Variants in MICAL2 observed in about 807,000 individuals in gnomAD.
MICAL2 encodes the protein [F-actin]-monooxygenase MICAL2.
In MICAL2, 77 loss-of-function variants were observed where a neutral mutation model predicts 127.3. That is an observed-to-expected ratio of 0.60 (90% CI 0.50 to 0.73). MICAL2 has a LOEUF of 0.73. Ranked by LOEUF, MICAL2 falls within the 30% of genes least tolerant of loss-of-function variation. MICAL2 has a pLI of 0.00. For synonymous variants in MICAL2, 570 were observed against 551.1 expected (o/e 1.03, Z -0.48); for missense variants, 1,351 against 1,434.4 (o/e 0.94, Z 0.94).
chr11:12,268,906 A>G (rs893880938), intron 24 of MICAL2, among the ~76,000 whole-genome samples: 10 of 151,896 alleles, frequency 6.6e-5, no homozygotes, highest in Non-Finnish European at 1.5e-5. Context: ...GGCTGAGGCA[A>G]GAGAATGGTG....
chr11:12,307,706 G>A (rs922484308), intron 29 of MICAL2, among the ~76,000 whole-genome samples: 1 of 152,152 alleles, frequency 6.6e-6, no homozygotes, highest in African/African-American at 2.4e-5. Flanking sequence ...GGTACCACTT[G>A]TTTTAAAGAC....
chr11:12,351,562 C>T (rs972820124), intron 33 of MICAL2, among the ~76,000 whole-genome samples: 2 of 152,130 alleles, frequency 1.3e-5, no homozygotes, highest in Non-Finnish European at 1.5e-5. Context: ...TTATTGAGAA[C>T]ACATGTTTGC....
At chr11:12,289,563 TTTG>T (rs1300582553), downstream of MICAL2, among the ~76,000 whole-genome samples, 209 of 32,518 alleles carry the variant, frequency 6.4e-3, 7 homozygotes, top group Middle Eastern at 0.026. Flanking sequence ...CTTGTTTTTT[TTTG>T]TTTTTTTTTT....
intron 2 of MICAL2, among the ~76,000 whole-genome samples, chr11:12,150,209 A>G (rs1355802418): frequency 6.6e-6 from 1 of 152,206 alleles, no homozygotes; most frequent in Non-Finnish European, 1.5e-5. Context: ...ATTTGTGCGC[A>G]TTTTGGGGAA....
chr11:12,232,016 A>G (rs575043153), intron 15 of MICAL2, among the ~76,000 whole-genome samples: 36 of 152,366 alleles, frequency 2.4e-4, no homozygotes, highest in African/African-American at 8.4e-4. Context: ...CTTGTCTGAA[A>G]AATGAGGGTA....
rs147668347 is a variant in MICAL2 at position 12,145,674 on chromosome 11, C to T, written c.-78+7214C>T. ...AGTGTGTTGACATTTTGGTAGGCTT[C>T]GAATAGCCATTAGTTATTTCTGACT... is the stretch of plus-strand genomic sequence containing the variant. On this transcript the variant is annotated intron_variant, in intron 2 of 27. Coordinates refer to ENST00000683283, the MANE Select transcript of MICAL2 (RefSeq NM_001282663.2). Among the ~76,000 whole-genome samples, 731 of 152,292 alleles carry T rather than the reference C, an allele frequency of 4.8e-3. 8 individuals carry two copies. Among genetic ancestry groups the T allele is most frequent in the Middle Eastern group, 0.02 (6 of 294 alleles).
At chr11:12,290,632 G>A (rs1035899526), downstream of MICAL2, among the ~76,000 whole-genome samples, 4 of 152,290 alleles carry the variant, frequency 2.6e-5, no homozygotes, top group African/African-American at 9.6e-5. Flanking sequence ...GGTAGTGGGA[G>A]GCAGGCCAGC....
chr11:12,223,233 G>C (rs1857028769), intron 11 of MICAL2, among the ~76,000 whole-genome samples, 178 bp from the exon 12 acceptor site: 1 of 152,188 alleles, frequency 6.6e-6, no homozygotes, highest in Non-Finnish European at 1.5e-5. Flanking sequence ...CTGGGTGGAA[G>C]ATTGAGGCCC....
chr11:12,269,882 G>A (rs1404131708), intron 24 of MICAL2, among the ~76,000 whole-genome samples: 3 of 152,212 alleles, frequency 2.0e-5, no homozygotes, highest in Admixed American at 2.0e-4. Flanking sequence ...GTACAGCAAG[G>A]CAGGACAGCC....
At chr11:12,203,208 C>T (rs10831763) in intron 3 of MICAL2, among the ~76,000 whole-genome samples, 15,778 of 152,176 alleles carry the variant, frequency 0.1, 900 homozygotes, top group Admixed American at 0.16. Context: ...TTGTGAATGA[C>T]GCCGCCATGA....
intron 11 of MICAL2, 24 bp downstream of exon 11, chr11:12,222,767 T>A (rs1352066878): frequency 6.2e-7 from 1 of 1,613,796 alleles, no homozygotes; most frequent in Admixed American, 1.7e-5. Flanking sequence ...TGGGGCTCTG[T>A]CTGAATCACT....
At position 12,354,858 on chromosome 11, in the gene MICAL2, G is replaced by T; in HGVS notation, c.5689+1G>T. The stretch of plus-strand genomic sequence containing the variant: ...CTGAGAGAGAAAATGCTCAAGGAGG[G>T]TGAGTATGCTTGGGCCTTTGTTGAG... On this transcript the variant is annotated splice_donor_variant, in intron 34 of 34. Transcript: ENST00000646065. LOFTEE classifies it high-confidence loss of function. 1 of 1,613,428 alleles carries T rather than the reference G, an allele frequency of 6.2e-7. No individual in the cohort carries two copies. The highest frequency in any genetic ancestry group is 1.7e-5 in the Admixed American group (1 of 59,942).
chr11:12,300,272 C>T (rs190236294), intron 29 of MICAL2, among the ~76,000 whole-genome samples: 15 of 152,042 alleles, frequency 9.9e-5, no homozygotes, highest in East Asian at 1.9e-4. Flanking sequence ...CCAGCCTGGG[C>T]GACAAGAGCA....
At chr11:12,273,276 A>G (rs1269913192), upstream of MICAL2, among the ~76,000 whole-genome samples, 1 of 152,234 alleles carries the variant, frequency 6.6e-6, no homozygotes, top group East Asian at 1.9e-4. Flanking sequence ...TAGACTTAAT[A>G]CATGTCAAAT....
intron 1 of MICAL2, among the ~76,000 whole-genome samples, chr11:12,127,287 T>C (rs1424407036): frequency 6.6e-6 from 1 of 152,196 alleles, no homozygotes; most frequent in Non-Finnish European, 1.5e-5. Flanking sequence ...ATTTTCTTCT[T>C]AGGCATTTTA....
chr11:12,327,340 C>A, intron 32 of MICAL2: 2 of 1,248,572 alleles, frequency 1.6e-6, no homozygotes, highest in Non-Finnish European at 2.2e-6. Context: ...CTGAGGAAAA[C>A]AGACCTTGTC....
At chr11:12,165,898 T>C (rs1049958373) in intron 3 of MICAL2, among the ~76,000 whole-genome samples, 4 of 152,210 alleles carry the variant, frequency 2.6e-5, no homozygotes, top group Admixed American at 2.6e-4. Flanking sequence ...TTGATGATTA[T>C]TTATGAGGGT....
rs1053293872 is a variant in MICAL2, at chr11:12,110,594, G to A, written c.-281G>A. The A allele has an allele frequency of 2.6e-5, 4 of 151,892 alleles. No individual in the cohort carries two copies. The highest frequency in any genetic ancestry group is 9.7e-5 in the African/African-American group (4 of 41,410). The allele number at this position is 151,892 out of a possible 1,614,324, so 9.4% of individuals were successfully genotyped here. A position where few individuals can be genotyped will look rare whatever the true frequency, so the allele number is the denominator to read the frequency against. On this transcript the variant is annotated 5_prime_UTR_variant, in exon 1 of 28. Transcript: ENST00000683283. The surrounding 1 kb of genome is among the most constrained non-coding windows in gnomAD (Gnocchi z 4.5). ...GCGCGGCGCAGAACCGCAGGCGCTCGGCTGGCTAAGCCTGCGCCGGGCCGC... is the reference window on the plus strand; with the variant it reads ...GCGCGGCGCAGAACCGCAGGCGCTCAGCTGGCTAAGCCTGCGCCGGGCCGC...
At chr11:12,313,167 C>CACAAA (rs1864194341) in intron 29 of MICAL2, among the ~76,000 whole-genome samples, 1 of 69,286 alleles carries the variant, frequency 1.4e-5, no homozygotes, top group Non-Finnish European at 2.4e-5. Flanking sequence ...GACTACATCT[C>CACAAA]AAAAAAAAAA....
Sources: gnomAD v4.1 joint callset for allele counts (sites outside exome capture counted in the v4.1 genomes callset) on GRCh38, gnomAD v4.1.1 for gene constraint, Gnocchi (gnomAD v3.1) non-coding constraint, MANE v1.5 for transcripts, NCBI Gene and HGNC (gene_info 2026-07-23, HGNC 2026-07-21) for gene names.